PRDM4: variants seen among roughly 807,000 people sequenced by gnomAD.
PRDM4 encodes the protein PR domain zinc finger protein 4.
A neutral mutation model predicts 62.3 loss-of-function variants in PRDM4; 38 were observed. The ratio of observed to expected loss-of-function variants is 0.61; its 90% CI spans 0.47 to 0.80. The LOEUF (loss-of-function observed/expected upper bound fraction) is 0.80. Among genes scored for constraint, PRDM4 ranks in the 30% least tolerant of loss-of-function variants. The pLI is 0.00. For synonymous variants in PRDM4, 339 were observed against 348.2 expected, an observed-to-expected ratio of 0.97 and a Z score of 0.30; for missense variants, 858 against 997.1, an observed-to-expected ratio of 0.86 and a Z score of 1.88.
chr12:107,756,274 A>T (rs1891064212), intron 3 of PRDM4, among the ~76,000 whole-genome samples: 1 of 152,120 alleles, frequency 6.6e-6, no homozygotes, highest in South Asian at 2.1e-4. Context: ...AAAAAAGGAT[A>T]GGAAGAATGA....
intron 11 of PRDM4, chr12:107,736,814 T>C (rs534169368): frequency 1.3e-5 from 2 of 152,028 alleles, no homozygotes; most frequent in South Asian, 4.2e-4. Flanking sequence ...CTGGACAAGG[T>C]GTTAGTTGAA....
intron 2 of PRDM4, among the ~76,000 whole-genome samples, chr12:107,759,307 T>G (rs1891155178): frequency 6.6e-6 from 1 of 152,190 alleles, no homozygotes; most frequent in Admixed American, 6.5e-5. Context: ...ATATCTACCT[T>G]AATTTTGAAA....
intron 5 of PRDM4, among the ~76,000 whole-genome samples, chr12:107,747,790 T>C (rs1382675115): frequency 1.3e-5 from 2 of 152,176 alleles, no homozygotes; most frequent in African/African-American, 4.8e-5. Flanking sequence ...CACAGTCATC[T>C]ATCTGTCTTT....
At chr12:107,739,756 T>C (rs907241228) in intron 10 of PRDM4, 6 of 458,936 alleles carry the variant, frequency 1.3e-5, no homozygotes, top group African/African-American at 9.8e-5. Flanking sequence ...GTAAATTAAT[T>C]TGATCTCCTT....
chr12:107,737,726 C>CAG (rs1300988064), intron 11 of PRDM4, among the ~76,000 whole-genome samples: 4 of 152,196 alleles, frequency 2.6e-5, no homozygotes, highest in African/African-American at 9.7e-5. Context: ...ATACCAAGGC[C>CAG]AGAGCTCTAA....
At chr12:107,758,142 CA>C (rs1891118424) in intron 2 of PRDM4, 1 of 151,236 alleles carries the variant, frequency 6.6e-6, no homozygotes, top group Admixed American at 6.6e-5. Flanking sequence ...TTTTATCAAT[CA>C]ACCTGAAAAT....
intron 2 of PRDM4, 123 bp from the exon 3 acceptor site, chr12:107,757,088 T>C (rs1891087964): frequency 2.2e-6 from 2 of 927,530 alleles, no homozygotes; most frequent in Non-Finnish European, 3.2e-6. Flanking sequence ...TTAGTTCACT[T>C]TTACGCTCAA....
At position 107,735,289 on chromosome 12, in the gene PRDM4, G is replaced by A. The variant is rs115368981; in HGVS notation, c.2094-767C>T. Among the ~76,000 whole-genome samples, 512 of 152,212 alleles carry A rather than the reference G, an allele frequency of 3.4e-3. 4 individuals are homozygous for A. Among genetic ancestry groups the A allele is most frequent in the African/African-American group, 0.012 (487 of 41,526 alleles). On this transcript the variant is annotated intron_variant, in intron 11 of 11. Transcript: ENST00000228437. ...TCAACTTTACAAGATAATGACAAAC[G>A]GTTTTCCAATGTAGTTGTTTCAATA...
intron 8 of PRDM4, 114 bp from the exon 9 acceptor site, chr12:107,742,462 T>A: frequency 8.2e-7 from 1 of 1,220,894 alleles, no homozygotes; most frequent in Admixed American, 2.2e-5. Flanking sequence ...ATTTACTATT[T>A]CCTCTGGAAT....
At chr12:107,749,302 C>A (rs1890818863) in intron 5 of PRDM4, among the ~76,000 whole-genome samples, 1 of 152,054 alleles carries the variant, frequency 6.6e-6, no homozygotes, top group Non-Finnish European at 1.5e-5. Flanking sequence ...ATGTCTAAAA[C>A]TTGACTCATC....
At chr12:107,744,725 G>C (rs768861942) in intron 6 of PRDM4, 64 bp from the exon 7 acceptor site, 4 of 1,587,810 alleles carry the variant, frequency 2.5e-6, no homozygotes, top group Non-Finnish European at 3.4e-6. Context: ...AGAAGAAAGA[G>C]GTGCTTCACC....
At chr12:107,749,348 ATCC>A (rs913889962) in intron 5 of PRDM4, among the ~76,000 whole-genome samples, 5 of 150,834 alleles carry the variant, frequency 3.3e-5, no homozygotes, top group Non-Finnish European at 5.9e-5. Context: ...TCAAAATCAT[ATCC>A]TCCTCTGCCT....
intron 5 of PRDM4, 99 bp downstream of exon 5, chr12:107,751,316 T>C: frequency 7.9e-7 from 1 of 1,260,012 alleles, no homozygotes; most frequent in Non-Finnish European, 1.1e-6. Flanking sequence ...TCTAGTTGCT[T>C]TCTATACTCC....
At chr12:107,759,542 T>C (rs1185260794) in intron 2 of PRDM4, among the ~76,000 whole-genome samples, 1 of 152,206 alleles carries the variant, frequency 6.6e-6, no homozygotes, top group African/African-American at 2.4e-5. Context: ...TGTTTCTAGG[T>C]TGACTCCTAG....
intron 11 of PRDM4, among the ~76,000 whole-genome samples, chr12:107,735,276 GATA>G (rs1277739840): frequency 2.0e-5 from 3 of 152,162 alleles, no homozygotes; most frequent in African/African-American, 4.8e-5. Context: ...AACTTTACAA[GATA>G]ATGACAAACG....
At position 107,754,109 on chromosome 12, in the gene PRDM4, C is replaced by T. The variant is rs370839071; in HGVS notation, c.146G>A (p.Gly49Asp). The change falls in exon 4 of 12, where the codon GGC (glycine) becomes GAC (aspartate). Residue 49 changes from glycine (G) to aspartate (D), a missense_variant and splice_region_variant. Gly to Asp is a moderately conservative substitution (Grantham distance 94, BLOSUM62 -1). Transcript: ENST00000228437. ...SPTHSAIPAP[G>D]LPVAIPNLGP... The stretch of plus-strand genomic sequence containing the variant: ...CAGGTTTGGAATTGCCACTGGGAGG[C>T]CTACAAAACAAAATTTTTTTTCTCA... 5 of 1,568,828 alleles carry T rather than the reference C, an allele frequency of 3.2e-6. No individual in the cohort carries two copies. The highest frequency in any genetic ancestry group is 3.5e-6 in the Non-Finnish European group (4 of 1,159,100).
In PRDM4 at chr12:107,734,260, T is replaced by A; in HGVS notation, c.2356A>T (p.Ile786Phe). 6.2e-7 allele frequency: 1 copy of A among 1,614,200 alleles called. No homozygotes were observed. Among genetic ancestry groups the A allele is most frequent in the Non-Finnish European group, 8.5e-7 (1 of 1,180,022 alleles). Residue 786 changes from isoleucine to phenylalanine, a missense_variant, in exon 12 of 12, where the codon ATT (isoleucine) becomes TTT (phenylalanine). Ile to Phe is a conservative substitution (Grantham distance 21). Transcript: ENST00000228437. ...ADSVGTEDCR[I>F]NSAVYSADES... The stretch of plus-strand genomic sequence containing the variant: ...TCCGCTGAATACACAGCACTGTTAA[T>A]CCTACAGTCTTCTGTCCCCACAGAG...
chr12:107,757,131 TCTA>T (rs1320290457), intron 2 of PRDM4, among the ~76,000 whole-genome samples, 166 bp from the exon 3 acceptor site: 1 of 152,232 alleles, frequency 6.6e-6, no homozygotes, highest in Non-Finnish European at 1.5e-5. Context: ...CCATATTCTT[TCTA>T]CTGATAAGAA....
intron 7 of PRDM4, 54 bp from the exon 8 acceptor site, chr12:107,743,336 C>A: frequency 7.9e-7 from 1 of 1,267,708 alleles, no homozygotes; most frequent in Admixed American, 1.7e-5. Context: ...CAATAAAGCA[C>A]TACATTACAC....
Sources: allele counts gnomAD v4.1 joint callset (sites outside exome capture counted in the v4.1 genomes callset), GRCh38; gene constraint gnomAD v4.1.1; transcripts MANE v1.5; gene names NCBI Gene and HGNC (gene_info 2026-07-23, HGNC 2026-07-21).